Variants in HIKESHI observed in about 807,000 individuals in gnomAD.
The protein encoded by HIKESHI is protein Hikeshi.
Under a neutral mutation model 25.7 loss-of-function variants are expected in HIKESHI, and 13 were observed. The observed-to-expected ratio is 0.51, with a 90% CI of 0.33 to 0.80. The LOEUF is 0.80. HIKESHI is among the 30% of genes least tolerant of loss of function. The pLI is 0.02. For synonymous variants in HIKESHI, 76 were observed against 78.7 expected (o/e 0.97, Z 0.18); for missense variants, 174 against 229.5 (o/e 0.76, Z 1.56).
At chr11:86,308,885 C>A (rs1946757153) in intron 2 of HIKESHI, among the ~76,000 whole-genome samples, 1 of 152,096 alleles carries the variant, frequency 6.6e-6, no homozygotes, top group Admixed American at 6.6e-5. Context: ...CATGTCCCTA[C>A]AAAGGACATG....
chr11:86,304,351 GCACTTGAACTTGGT>G (rs1946563975), intron 1 of HIKESHI, among the ~76,000 whole-genome samples: 1 of 152,080 alleles, frequency 6.6e-6, no homozygotes, highest in African/African-American at 2.4e-5. Flanking sequence ...AGACTAGCCA[GCACTTGAACTTGGT>G]CATTTTAAAC....
intron 1 of HIKESHI, among the ~76,000 whole-genome samples, chr11:86,305,591 G>A (rs903240332): frequency 6.6e-6 from 1 of 150,704 alleles, no homozygotes; most frequent in South Asian, 2.1e-4. Context: ...TCTCCATGTT[G>A]GCCAGGCTGG....
chr11:86,344,063 A>G (rs1229380813), intron 3 of HIKESHI: 1 of 152,224 alleles, frequency 6.6e-6, no homozygotes, highest in Non-Finnish European at 1.5e-5. Flanking sequence ...CTTTCCAGCA[A>G]TGGAAATAAC....
At position 86,336,513 on chromosome 11, in the gene HIKESHI, C is replaced by G. The variant is rs545249813; in HGVS notation, c.269-866C>G. On this transcript the variant is annotated intron_variant, in intron 2 of 4. Coordinates refer to ENST00000278483, the MANE Select transcript of HIKESHI (RefSeq NM_016401.4). ...CACGTGAGAACACAGTGAGAAGGCA[C>G]TGTCTGAACCAGAAAATGGTCCTTC... Among the ~76,000 whole-genome samples the G allele has an allele frequency of 2.1e-4, 32 of 152,254 alleles. 1 individual carries two copies. The South Asian group carries it at 6.6e-3, about 32-fold the overall frequency.
At chr11:86,345,262 T>C in intron 4 of HIKESHI, 1 of 443,386 alleles carries the variant, frequency 2.3e-6, no homozygotes, top group East Asian at 9.7e-5. Context: ...TGCTCATCTG[T>C]GGAATGAGGA....
At chr11:86,332,488 A>T (rs1947451867) in intron 2 of HIKESHI, among the ~76,000 whole-genome samples, 1 of 152,196 alleles carries the variant, frequency 6.6e-6, no homozygotes, top group Non-Finnish European at 1.5e-5. Flanking sequence ...AATAGAATAA[A>T]ACTCATTTTA....
chr11:86,320,045 C>T (rs1474472716), intron 2 of HIKESHI, among the ~76,000 whole-genome samples: 1 of 152,140 alleles, frequency 6.6e-6, no homozygotes, highest in Non-Finnish European at 1.5e-5. Flanking sequence ...ATAAATGCTT[C>T]ATTCTTTCTC....
chr11:86,328,435 T>G (rs1947339167), intron 2 of HIKESHI, among the ~76,000 whole-genome samples: 1 of 112,042 alleles, frequency 8.9e-6, no homozygotes, highest in African/African-American at 3.2e-5. Context: ...ATGTTTTTTG[T>G]TTTTTTTTTT....
intron 2 of HIKESHI, among the ~76,000 whole-genome samples, chr11:86,315,152 G>A (rs768127840): frequency 2.6e-5 from 4 of 152,070 alleles, no homozygotes; most frequent in Non-Finnish European, 4.4e-5. Context: ...AGATAATTCA[G>A]TACATTCTAG....
At chr11:86,338,479 T>C (rs988864813) in intron 3 of HIKESHI, among the ~76,000 whole-genome samples, 5 of 152,222 alleles carry the variant, frequency 3.3e-5, no homozygotes, top group African/African-American at 1.2e-4. Flanking sequence ...TTGTGCAGGC[T>C]GTCTCCTGAT....
At chr11:86,310,137 A>T (rs1946794157) in intron 2 of HIKESHI, among the ~76,000 whole-genome samples, 1 of 147,476 alleles carries the variant, frequency 6.8e-6, no homozygotes, top group South Asian at 2.2e-4. Flanking sequence ...ATGGCATTGA[A>T]TCTATAAATT....
At chr11:86,326,649 T>G (rs1370297361) in intron 2 of HIKESHI, 2 of 424,690 alleles carry the variant, frequency 4.7e-6, no homozygotes, top group Non-Finnish European at 9.4e-6. Flanking sequence ...TATGGAAGAT[T>G]AGACTGGAGC....
chr11:86,316,115 TAAAA>T (rs11340933), intron 2 of HIKESHI, among the ~76,000 whole-genome samples: 2 of 75,244 alleles, frequency 2.7e-5, no homozygotes, highest in South Asian at 5.2e-4. Flanking sequence ...CTGTCTCCAT[TAAAA>T]AAAAAAAAAA....
At chr11:86,316,858 G>A (rs61904310) in intron 2 of HIKESHI, among the ~76,000 whole-genome samples, 100,977 of 140,672 alleles carry the variant, frequency 0.72, 36,437 homozygotes, top group East Asian at 0.84. Context: ...CAGTGGCACA[G>A]TCTCGGCTCA....
chr11:86,314,433 G>T (rs1450268666), intron 2 of HIKESHI, among the ~76,000 whole-genome samples: 3 of 152,048 alleles, frequency 2.0e-5, no homozygotes, highest in Non-Finnish European at 4.4e-5. Context: ...TAAACAACAT[G>T]GTGGAACCCC....
rs192292965 is a variant in HIKESHI, at chr11:86,344,992, G to C, written c.539+271G>C. Reference sequence around the variant, plus strand: ...CCACTATTAAAGCTTATAAATATTTGTGTATTTTCATTTAGAAGTACCATC... The same window carrying C: ...CCACTATTAAAGCTTATAAATATTTCTGTATTTTCATTTAGAAGTACCATC... On this transcript the variant is annotated intron_variant, in intron 4 of 4. Transcript: ENST00000278483. 5.3e-4 allele frequency: 289 copies of C among 546,070 alleles called. 1 individual carries two copies. The highest frequency in any genetic ancestry group is 7.5e-4 in the Non-Finnish European group (264 of 353,690). The allele number at this position is 546,070 out of a possible 1,614,324, so 33.8% of individuals were successfully genotyped here.
chr11:86,333,049 A>T (rs1440806500), intron 2 of HIKESHI, among the ~76,000 whole-genome samples: 1 of 152,236 alleles, frequency 6.6e-6, no homozygotes, highest in African/African-American at 2.4e-5. Context: ...AAGAAAATTG[A>T]CAGAGGAAGA....
intron 2 of HIKESHI, among the ~76,000 whole-genome samples, chr11:86,315,570 C>T (rs577714730): frequency 6.6e-6 from 1 of 152,304 alleles, no homozygotes; most frequent in East Asian, 1.9e-4. Flanking sequence ...CCGCCCACCT[C>T]AGCCTCCCAA....
chr11:86,327,108 G>A (rs1037133006), intron 2 of HIKESHI, among the ~76,000 whole-genome samples: 1 of 152,116 alleles, frequency 6.6e-6, no homozygotes, highest in Non-Finnish European at 1.5e-5. Flanking sequence ...GAAAATAATT[G>A]TCTGGAATGG....
Sources: gnomAD v4.1 joint callset for allele counts (sites outside exome capture counted in the v4.1 genomes callset) on GRCh38, gnomAD v4.1.1 for gene constraint, MANE v1.5 for transcripts, NCBI Gene and HGNC (gene_info 2026-07-23, HGNC 2026-07-21) for gene names.